The following KLHL1 variants were observed in gnomAD, a reference collection of about 807,000 sequenced individuals.
KLHL1 encodes kelch-like protein 1.
In KLHL1, 47 loss-of-function variants were observed where a neutral mutation model predicts 77.7. The observed-to-expected ratio is 0.60, with a 90% CI of 0.48 to 0.77. The LOEUF (loss-of-function observed/expected upper bound fraction) is 0.77. KLHL1 is among the 30% of genes least tolerant of loss of function. The probability of loss-of-function intolerance (pLI) is 0.00; values close to 1 mark genes in which losing one functional copy is unlikely to be tolerated. For missense variants in KLHL1, 925 were observed against 910.8 expected, an observed-to-expected ratio of 1.02 and a Z score of -0.20; for synonymous variants, 360 against 325.2, an observed-to-expected ratio of 1.11 and a Z score of -1.15.
intron 3 of KLHL1, among the ~76,000 whole-genome samples, chr13:69,944,370 G>A (rs1883452598): frequency 6.6e-6 from 1 of 152,210 alleles, no homozygotes; most frequent in East Asian, 1.9e-4. Context: ...ACCCTTGGAA[G>A]TCTGTACCTG....
At chr13:69,913,691 T>C (rs111334301) in intron 4 of KLHL1, among the ~76,000 whole-genome samples, 13 of 152,328 alleles carry the variant, frequency 8.5e-5, no homozygotes, top group African/African-American at 3.1e-4. Flanking sequence ...GGATTGCTTG[T>C]TCAATGAAAT....
intron 1 of KLHL1, among the ~76,000 whole-genome samples, chr13:69,995,119 T>G (rs1885119199): frequency 6.6e-6 from 1 of 152,138 alleles, no homozygotes; most frequent in Non-Finnish European, 1.5e-5. Flanking sequence ...CATTTGATTA[T>G]GCATTATTTA....
At chr13:70,052,142 C>T (rs1179057346) in intron 1 of KLHL1, among the ~76,000 whole-genome samples, 3 of 151,856 alleles carry the variant, frequency 2.0e-5, no homozygotes, top group African/African-American at 4.8e-5. Flanking sequence ...TGGTAAGCAG[C>T]ACAAATTCTG....
rs933414752 is a variant in KLHL1 at position 69,700,616 on chromosome 13, TATTA to T, written c.*1082_*1085del. 6.6e-6 allele frequency: 1 copy of T among 152,468 alleles called. No individual in the cohort carries two copies. Among genetic ancestry groups the T allele is most frequent in the African/African-American group, 2.4e-5 (1 of 41,438 alleles). The allele number at this position is 152,468 out of a possible 1,614,324, so 9.4% of individuals were successfully genotyped here. A position where few individuals can be genotyped will look rare whatever the true frequency, so the allele number is the denominator to read the frequency against. On this transcript the variant is annotated 3_prime_UTR_variant, in exon 11 of 11. Coordinates refer to ENST00000377844, the MANE Select transcript of KLHL1 (RefSeq NM_020866.3). ...GATAAATGCAAATTTTTTGATCATT[TATTA>T]ATTGTAATTAAAATTTACATGGGCC...
At chr13:70,005,836 T>TA (rs1469811944) in intron 1 of KLHL1, among the ~76,000 whole-genome samples, 1 of 151,998 alleles carries the variant, frequency 6.6e-6, no homozygotes, top group African/African-American at 2.4e-5. Flanking sequence ...CATATATTAG[T>TA]AAAAATAAGA....
chr13:69,891,534 G>C (rs1333315856), intron 4 of KLHL1, among the ~76,000 whole-genome samples: 1 of 151,884 alleles, frequency 6.6e-6, no homozygotes, highest in Non-Finnish European at 1.5e-5. Flanking sequence ...AAATAGCATT[G>C]ACTTTTTAAT....
At chr13:69,837,641 T>TACAC (rs1185363878) in intron 6 of KLHL1, among the ~76,000 whole-genome samples, 1 of 135,506 alleles carries the variant, frequency 7.4e-6, no homozygotes, top group Admixed American at 7.3e-5. Context: ...TATATATATA[T>TACAC]ATGTGTATAT....
chr13:70,003,294 G>C (rs1226195228), intron 1 of KLHL1, among the ~76,000 whole-genome samples: 1 of 151,558 alleles, frequency 6.6e-6, no homozygotes, highest in Non-Finnish European at 1.5e-5. Context: ...AAACTTCAAG[G>C]GAAAATGTAA....
At position 69,707,668 on chromosome 13, in the gene KLHL1, T is replaced by C. The variant is rs375642620; in HGVS notation, c.2144A>G (p.Asn715Ser). 2.0e-5 allele frequency: 32 copies of C among 1,612,612 alleles called. No individual in the cohort carries two copies. The highest frequency in any genetic ancestry group is 2.5e-5 in the Non-Finnish European group (30 of 1,179,058). Residue 715 changes from asparagine (N) to serine (S), a missense_variant, in exon 10 of 11, where the codon AAC becomes AGC. Coordinates refer to ENST00000377844, the MANE Select transcript of KLHL1 (RefSeq NM_020866.3). ...TTGTGGGTCATAGGATTCCATAGTG[T>C]TGAGGTATGTCTGTCCATCATAGCC... ...VGGYDGQTYLNTMESYDPQTN... is the reference protein window; with the variant it reads ...VGGYDGQTYLSTMESYDPQTN...
chr13:69,946,703 AGG>A (rs2137248042), intron 3 of KLHL1, among the ~76,000 whole-genome samples: 1 of 152,104 alleles, frequency 6.6e-6, no homozygotes. Context: ...TGTAGCAATT[AGG>A]TGTTGCTATG....
At chr13:69,975,020 T>G (rs1378698855) in intron 2 of KLHL1, among the ~76,000 whole-genome samples, 1 of 152,098 alleles carries the variant, frequency 6.6e-6, no homozygotes, top group Non-Finnish European at 1.5e-5. Flanking sequence ...TCAACGTCCA[T>G]ATTGTAATAT....
intron 4 of KLHL1, among the ~76,000 whole-genome samples, chr13:69,917,453 C>T (rs1466994345): frequency 3.3e-5 from 5 of 151,946 alleles, no homozygotes; most frequent in Admixed American, 6.6e-5. Context: ...TTAAGAAAAC[C>T]CCCGTCCCAG....
chr13:69,820,252 G>A (rs1272723362), intron 6 of KLHL1, among the ~76,000 whole-genome samples: 3 of 152,108 alleles, frequency 2.0e-5, no homozygotes, highest in Non-Finnish European at 4.4e-5. Context: ...GTTTAGTTAA[G>A]TAACACCAGT....
intron 1 of KLHL1, among the ~76,000 whole-genome samples, chr13:69,991,215 A>G (rs73514752): frequency 0.14 from 21,923 of 151,922 alleles, 3,234 homozygotes; most frequent in African/African-American, 0.38. Context: ...AAGGTCTCAA[A>G]TTAACAACCT....
At chr13:69,888,161 A>G (rs984493955) in intron 4 of KLHL1, among the ~76,000 whole-genome samples, 1 of 152,122 alleles carries the variant, frequency 6.6e-6, no homozygotes, top group Non-Finnish European at 1.5e-5. Context: ...AGGAGCAAAC[A>G]AGCTTCTTCT....
At chr13:70,002,119 A>G (rs1036130156) in intron 1 of KLHL1, among the ~76,000 whole-genome samples, 1 of 151,650 alleles carries the variant, frequency 6.6e-6, no homozygotes, top group Non-Finnish European at 1.5e-5. Context: ...TAAGATATCA[A>G]CATACTCCTT....
intron 8 of KLHL1, among the ~76,000 whole-genome samples, chr13:69,740,013 T>C (rs1873918891): frequency 6.6e-6 from 1 of 152,136 alleles, no homozygotes; most frequent in Non-Finnish European, 1.5e-5. Context: ...ATCAATAGTG[T>C]TGAGGTTGAG....
At chr13:69,724,913 A>C (rs1873229472) in intron 8 of KLHL1, among the ~76,000 whole-genome samples, 1 of 152,174 alleles carries the variant, frequency 6.6e-6, no homozygotes, top group African/African-American at 2.4e-5. Flanking sequence ...CAGGAGGAAT[A>C]AGTGAATTAA....
At chr13:70,101,963 A>AAAAC (rs767427076) in intron 1 of KLHL1, among the ~76,000 whole-genome samples, 1 of 151,812 alleles carries the variant, frequency 6.6e-6, no homozygotes, top group African/African-American at 2.4e-5. Context: ...AAAAAAAAAA[A>AAAAC]CAAAGTAAAA....
Sources: gnomAD v4.1 joint callset for allele counts (sites outside exome capture counted in the v4.1 genomes callset) on GRCh38, gnomAD v4.1.1 for gene constraint, MANE v1.5 for transcripts, NCBI Gene and HGNC (gene_info 2026-07-23, HGNC 2026-07-21) for gene names.